The following CDC42SE2 variants were observed in gnomAD, a reference collection of about 807,000 sequenced individuals.
The protein encoded by CDC42SE2 is CDC42 small effector 2, also known as CDC42 small effector protein 2.
Under a neutral mutation model 11.5 loss-of-function variants are expected in CDC42SE2, and 3 were observed. That is an observed-to-expected ratio of 0.26 (90% CI 0.12 to 0.67). CDC42SE2 has a LOEUF of 0.67. Ranked by LOEUF, CDC42SE2 falls within the 30% of genes least tolerant of loss-of-function variation. The probability of loss-of-function intolerance (pLI) is 0.80; values close to 1 mark genes in which losing one functional copy is unlikely to be tolerated. For missense variants in CDC42SE2, 82 were observed against 106.8 expected, an observed-to-expected ratio of 0.77 and a Z score of 1.02; for synonymous variants, 33 against 34.8, an observed-to-expected ratio of 0.95 and a Z score of 0.18.
Position 131,271,754 on chromosome 5 carries a change from T to C in CDC42SE2, c.-455+7588T>C, listed in dbSNP as rs1398259581. On this transcript the variant is annotated intron_variant, in intron 1 of 4. Coordinates refer to ENST00000505065, the MANE Select transcript of CDC42SE2 (RefSeq NM_001375635.1). ...ACTGGAGTATTTACCCTGCCTTAAA[T>C]TTGTGGTCCACTATTATAATTTTGC... is the stretch of plus-strand genomic sequence containing the variant. Among the ~76,000 whole-genome samples, 7 of 152,196 alleles carry C rather than the reference T, an allele frequency of 4.6e-5. No homozygotes were observed. In the East Asian group the frequency reaches 1.3e-3, roughly 29 times the overall value.
intron 3 of CDC42SE2, among the ~76,000 whole-genome samples, chr5:131,381,518 T>C (rs1421015423): frequency 6.6e-6 from 1 of 152,188 alleles, no homozygotes; most frequent in Non-Finnish European, 1.5e-5. Flanking sequence ...AGACGGGGTT[T>C]CACTGTGTTG....
At chr5:131,272,558 C>T (rs1757015686) in intron 1 of CDC42SE2, among the ~76,000 whole-genome samples, 1 of 152,144 alleles carries the variant, frequency 6.6e-6, no homozygotes, top group African/African-American at 2.4e-5. Flanking sequence ...GTGCTCCTTT[C>T]TCCTTTTAAG....
intron 3 of CDC42SE2, among the ~76,000 whole-genome samples, chr5:131,364,654 G>C (rs1275143700): frequency 6.6e-6 from 1 of 152,218 alleles, no homozygotes; most frequent in Non-Finnish European, 1.5e-5. Context: ...CTGTAGCCCA[G>C]TGAGCCACTT....
intron 2 of CDC42SE2, among the ~76,000 whole-genome samples, chr5:131,322,098 C>T (rs1051385019): frequency 2.6e-5 from 4 of 152,182 alleles, no homozygotes; most frequent in African/African-American, 9.7e-5. Context: ...GATTCACCTG[C>T]CTCGGGCTCC....
intron 1 of CDC42SE2, among the ~76,000 whole-genome samples, chr5:131,284,818 T>C (rs143688543): frequency 3.5e-4 from 53 of 152,268 alleles, no homozygotes; most frequent in African/African-American, 1.2e-3. Context: ...TTTACAATGA[T>C]CATATATTCC....
chr5:131,346,190 T>G (rs781263381), intron 2 of CDC42SE2, among the ~76,000 whole-genome samples: 8 of 152,018 alleles, frequency 5.3e-5, no homozygotes, highest in Non-Finnish European at 1.2e-4. Flanking sequence ...ATGTTCCAAT[T>G]AAAAGACACA....
At chr5:131,293,195 G>A (rs1409839737) in intron 1 of CDC42SE2, among the ~76,000 whole-genome samples, 1 of 152,100 alleles carries the variant, frequency 6.6e-6, no homozygotes, top group Non-Finnish European at 1.5e-5. Context: ...AATGGGATTA[G>A]TGCTCTTGTA....
chr5:131,317,528 T>C lies in CDC42SE2; in HGVS notation c.-286+1384T>C, dbSNP rs944901455. On this transcript the variant is annotated intron_variant, in intron 2 of 4. Transcript: ENST00000505065. ...TTAGGACTGTGTGTTTTGGGGGAGG[T>C]GGAGGGAAGTTTGGCGGTGATGTAG... Among the ~76,000 whole-genome samples the C allele has an allele frequency of 7.3e-5, 11 of 151,516 alleles. 1 individual carries two copies. Among genetic ancestry groups the C allele is most frequent in the African/African-American group, 2.2e-4 (9 of 41,184 alleles).
intron 1 of CDC42SE2, among the ~76,000 whole-genome samples, chr5:131,274,689 GT>G (rs2149696423): frequency 6.6e-6 from 1 of 152,298 alleles, no homozygotes; most frequent in African/African-American, 2.4e-5. Flanking sequence ...TTCATCGTCT[GT>G]ACGTCCTGCT....
At chr5:131,252,629 C>T (rs909783165) in intron 1 of CDC42SE2, among the ~76,000 whole-genome samples, 2 of 152,172 alleles carry the variant, frequency 1.3e-5, no homozygotes, top group Non-Finnish European at 2.9e-5. Flanking sequence ...GCACTCCAGC[C>T]TGGGTGACAG....
intron 3 of CDC42SE2, among the ~76,000 whole-genome samples, chr5:131,368,020 G>A (rs1457810937): frequency 2.0e-5 from 3 of 152,054 alleles, no homozygotes; most frequent in Admixed American, 1.3e-4. Flanking sequence ...TTGGGAGGCC[G>A]AGGAGGGTTG....
intron 2 of CDC42SE2, among the ~76,000 whole-genome samples, chr5:131,257,256 T>A (rs1210509046): frequency 1.3e-5 from 2 of 152,062 alleles, no homozygotes; most frequent in Non-Finnish European, 2.9e-5. Flanking sequence ...CTTTCTTTTT[T>A]AAAAAAATTA....
chr5:131,288,159 G>A lies in CDC42SE2; in HGVS notation c.-455+23993G>A, dbSNP rs78667225. Among the ~76,000 whole-genome samples the A allele has an allele frequency of 1.4e-3, 208 of 152,026 alleles. 2 individuals are homozygous for A. The East Asian group carries it at 0.024, about 18-fold the overall frequency. ...GGATTGCTTAAGCCCCGGAGGTTGAGGCTACAGTGGGTCATGATCATCCCA... is the reference window on the plus strand; with the variant it reads ...GGATTGCTTAAGCCCCGGAGGTTGAAGCTACAGTGGGTCATGATCATCCCA... On this transcript the variant is annotated intron_variant, in intron 1 of 4. Coordinates refer to ENST00000505065, the MANE Select transcript of CDC42SE2 (RefSeq NM_001375635.1).
At chr5:131,311,947 CAA>C (rs2149725322) in intron 1 of CDC42SE2, among the ~76,000 whole-genome samples, 1 of 152,328 alleles carries the variant, frequency 6.6e-6, no homozygotes, top group Non-Finnish European at 1.5e-5. Context: ...CTCAGCTCGT[CAA>C]AGTCATTCCC....
upstream of CDC42SE2, among the ~76,000 whole-genome samples, chr5:131,260,999 T>C (rs1191168980): frequency 6.6e-6 from 1 of 152,242 alleles, no homozygotes; most frequent in Non-Finnish European, 1.5e-5. Flanking sequence ...CTTTAAAAAT[T>C]TTAAGGAAAA....
intron 2 of CDC42SE2, among the ~76,000 whole-genome samples, chr5:131,329,936 A>G (rs1212005643): frequency 2.1e-5 from 3 of 144,486 alleles, no homozygotes; most frequent in East Asian, 4.0e-4. Flanking sequence ...GAAGCGCTCC[A>G]GTTATCTATC....
At chr5:131,259,203 T>A (rs891536012), upstream of CDC42SE2, among the ~76,000 whole-genome samples, 25 of 152,170 alleles carry the variant, frequency 1.6e-4, no homozygotes, top group African/African-American at 5.8e-4. Flanking sequence ...GCCATTAGAT[T>A]TTATGATGCT....
chr5:131,336,413 T>A (rs1758563525), intron 2 of CDC42SE2, among the ~76,000 whole-genome samples: 1 of 152,236 alleles, frequency 6.6e-6, no homozygotes, highest in South Asian at 2.1e-4. Context: ...ATTTTTTCCT[T>A]CATTTCAACT....
chr5:131,371,160 T>C (rs1750004667), intron 3 of CDC42SE2, among the ~76,000 whole-genome samples: 2 of 152,226 alleles, frequency 1.3e-5, no homozygotes, highest in Non-Finnish European at 1.5e-5. Context: ...GTTTATAATA[T>C]ATTGAACAGT....
Sources: gnomAD v4.1 joint callset for allele counts (sites outside exome capture counted in the v4.1 genomes callset) on GRCh38, gnomAD v4.1.1 for gene constraint, MANE v1.5 for transcripts, NCBI Gene and HGNC (gene_info 2026-07-23, HGNC 2026-07-21) for gene names.